The following AGAP1 variants were observed in gnomAD, a reference collection of about 807,000 sequenced individuals.
The protein encoded by AGAP1 is arf-GAP with GTPase, ANK repeat and PH domain-containing protein 1.
A neutral mutation model predicts 105.3 loss-of-function variants in AGAP1; 29 were observed. The ratio of observed to expected loss-of-function variants is 0.28; its 90% confidence interval spans 0.21 to 0.38. The LOEUF is 0.38. Among genes scored for constraint, AGAP1 ranks in the 10% least tolerant of loss-of-function variants. The pLI, the probability that AGAP1 is intolerant of heterozygous loss-of-function variation, is 1.00. For synonymous variants in AGAP1, 509 were observed against 485.9 expected (o/e 1.05, Z -0.63); for missense variants, 998 against 1,165.1 (o/e 0.86, Z 2.09).
intron 1 of AGAP1, among the ~76,000 whole-genome samples, chr2:235,661,358 T>G (rs1947945498): frequency 6.6e-6 from 1 of 152,038 alleles, no homozygotes; most frequent in Non-Finnish European, 1.5e-5. Context: ...TGATTGTGAT[T>G]GAGGGTACAG....
At position 235,577,466 on chromosome 2, in the gene AGAP1, G is replaced by A. The variant is rs983716486; in HGVS notation, c.163+82617G>A. Among the ~76,000 whole-genome samples the A allele has an allele frequency of 6.6e-6, 1 of 152,066 alleles. No individual in the cohort carries two copies. Among genetic ancestry groups the A allele is most frequent in the Non-Finnish European group, 1.5e-5 (1 of 68,024 alleles). On this transcript the variant is annotated intron_variant, in intron 1 of 17. Transcript: ENST00000304032. This position sits in a 1 kb window ranked among gnomAD's most constrained non-coding sequence, Gnocchi z 4.5. ...CAAAGCCTTTGCCAGATGAGACACT[G>A]CCTCTCGCTGAATGCCTGCTTGGAG...
chr2:236,093,038 C>T (rs932449226), intron 16 of AGAP1, among the ~76,000 whole-genome samples: 41 of 152,174 alleles, frequency 2.7e-4, no homozygotes, highest in Admixed American at 2.3e-3. Flanking sequence ...CATGGGTCCA[C>T]GACGATACTC....
At chr2:235,854,853 T>G (rs2048620099) in intron 9 of AGAP1, among the ~76,000 whole-genome samples, 1 of 152,178 alleles carries the variant, frequency 6.6e-6, no homozygotes, top group Non-Finnish European at 1.5e-5. Context: ...TCTTTATTCA[T>G]TCTTAGTTTT....
Position 236,002,251 on chromosome 2 carries a change from A to G in AGAP1, c.1645+33628A>G, listed in dbSNP as rs1484520581. On this transcript the variant is annotated intron_variant, in intron 13 of 17. Coordinates refer to ENST00000304032, the MANE Select transcript of AGAP1 (RefSeq NM_001037131.3). This position sits in a 1 kb window ranked among gnomAD's most constrained non-coding sequence, Gnocchi z 4.3. ...CTGAAAATAAACAGACAAACACAAC[A>G]TGACCCACGCACCCAGCCTGAGCCC... Among the ~76,000 whole-genome samples, 1 of 152,120 alleles carries G rather than the reference A, an allele frequency of 6.6e-6. No homozygotes were observed. The highest frequency in any genetic ancestry group is 2.4e-5 in the African/African-American group (1 of 41,436).
At chr2:236,054,071 T>C (rs2057984472) in intron 16 of AGAP1, among the ~76,000 whole-genome samples, 1 of 152,206 alleles carries the variant, frequency 6.6e-6, no homozygotes. Flanking sequence ...GCCGTACACT[T>C]CCAGATGGAA....
chr2:236,007,951 C>T (rs2056379017), intron 13 of AGAP1, among the ~76,000 whole-genome samples: 1 of 152,248 alleles, frequency 6.6e-6, no homozygotes, highest in Non-Finnish European at 1.5e-5. Context: ...CACCACTGAA[C>T]AAATCTCACA....
At chr2:235,997,341 G>A (rs972755212) in intron 13 of AGAP1, among the ~76,000 whole-genome samples, 23 of 152,184 alleles carry the variant, frequency 1.5e-4, no homozygotes, top group Non-Finnish European at 2.8e-4. Context: ...CGCCCACCTC[G>A]GCCTCCCAAA....
intron 1 of AGAP1, among the ~76,000 whole-genome samples, chr2:235,666,454 T>G (rs1948130209): frequency 1.3e-5 from 2 of 151,984 alleles, no homozygotes; most frequent in African/African-American, 4.8e-5. Context: ...TCTAAGGCAG[T>G]GGGGAAAGGC....
Position 235,720,738 on chromosome 2 carries a change from C to T in AGAP1, c.310+3094C>T. 2 of 983,446 alleles carry T rather than the reference C, an allele frequency of 2.0e-6. No individual in the cohort carries two copies. The highest frequency in any genetic ancestry group is 1.2e-6 in the Non-Finnish European group (1 of 828,188). 60.9% of individuals were successfully genotyped at this position (983,446 alleles called of 1,614,324 possible). On this transcript the variant is annotated intron_variant, in intron 3 of 17. Transcript: ENST00000304032. The surrounding 1 kb of genome is among the most constrained non-coding windows in gnomAD (Gnocchi z 5.0). ...GCGTGAGTATCCTTTATGTCATAAT[C>T]CTGACCCGTGGCTGGGATATGTAGA...
At chr2:236,008,442 A>G (rs77575637) in intron 13 of AGAP1, among the ~76,000 whole-genome samples, 1 of 152,354 alleles carries the variant, frequency 6.6e-6, no homozygotes, top group African/African-American at 2.4e-5. Context: ...GTGCAAAACA[A>G]AAAGTCTACA....
At chr2:235,593,013 C>T (rs72986897) in intron 1 of AGAP1, among the ~76,000 whole-genome samples, 13,106 of 152,186 alleles carry the variant, frequency 0.086, 772 homozygotes, top group Non-Finnish European at 0.13. Flanking sequence ...CTGAAATGAG[C>T]GTTAGGTGAC....
chr2:235,544,008 C>T (rs6749709), intron 1 of AGAP1, among the ~76,000 whole-genome samples: 8,656 of 152,242 alleles, frequency 0.057, 746 homozygotes, highest in African/African-American at 0.19. Context: ...TGGCTCTGGC[C>T]GTGCCCCATT....
rs1025565450 is a variant in AGAP1, at chr2:235,552,282, G to T, written c.163+57433G>T. ...TTTCTGCAGGAAAGAGAGAGACATT[G>T]GTGCCAAGAAATCCTATCGGGGACA... On this transcript the variant is annotated intron_variant, in intron 1 of 17. Coordinates refer to ENST00000304032, the MANE Select transcript of AGAP1 (RefSeq NM_001037131.3). This position sits in a 1 kb window ranked among gnomAD's most constrained non-coding sequence, Gnocchi z 5.9. 2.0e-5 allele frequency among the ~76,000 whole-genome samples: 3 copies of T among 152,342 alleles called. No individual in the cohort carries two copies. The highest frequency in any genetic ancestry group is 6.8e-3 in the Middle Eastern group (2 of 294).
At position 235,609,643 on chromosome 2, in the gene AGAP1, G is replaced by A. The variant is rs12692175; in HGVS notation, c.164-99536G>A. Among the ~76,000 whole-genome samples, 46,612 of 151,890 alleles carry A rather than the reference G, an allele frequency of 0.31. 9,072 individuals carry two copies. The highest frequency in any genetic ancestry group is 0.55 in the African/African-American group (22,604 of 41,340). ...GCTCCTGCCTGTCTCAGTGCTCTGG[G>A]GTCCCGTGCTGAGGGAGCATCCTTA... is the stretch of plus-strand genomic sequence containing the variant. On this transcript the variant is annotated intron_variant, in intron 1 of 17. Transcript: ENST00000304032. The surrounding 1 kb of genome is among the most constrained non-coding windows in gnomAD (Gnocchi z 5.1).
intron 3 of AGAP1, chr2:235,718,531 T>C: frequency 3.9e-6 from 2 of 509,850 alleles, no homozygotes; most frequent in Non-Finnish European, 5.1e-6. Flanking sequence ...TTTTCTTCAG[T>C]TGAACATTCC....
intron 13 of AGAP1, among the ~76,000 whole-genome samples, chr2:235,999,072 C>T (rs2055951298): frequency 7.3e-6 from 1 of 136,288 alleles, no homozygotes; most frequent in Non-Finnish European, 1.6e-5. Context: ...GTATGGTGAC[C>T]AATATGGTAT....
chr2:235,607,726 G>A (rs1286295490), intron 1 of AGAP1, among the ~76,000 whole-genome samples: 1 of 152,200 alleles, frequency 6.6e-6, no homozygotes, highest in African/African-American at 2.4e-5. Context: ...GTGGGAAGCT[G>A]CAGGCCAGCC....
At position 235,789,699 on chromosome 2, in the gene AGAP1, A is replaced by C. The variant is rs558761788; in HGVS notation, c.674-8060A>C. ...GGTAAGGCATCAAAGGATTACTTTG[A>C]TATACGCAAGGTAAGTCAACAAAGG... is the stretch of plus-strand genomic sequence containing the variant. On this transcript the variant is annotated intron_variant, in intron 6 of 17. Transcript: ENST00000304032. This position sits in a 1 kb window ranked among gnomAD's most constrained non-coding sequence, Gnocchi z 4.2. 6.6e-6 allele frequency among the ~76,000 whole-genome samples: 1 copy of C among 152,086 alleles called. No individual in the cohort carries two copies. The highest frequency in any genetic ancestry group is 3.2e-3 in the Middle Eastern group (1 of 312).
rs1284669313 is a variant in AGAP1, at chr2:235,934,395, G to A, written c.1483+3472G>A. 6.6e-6 allele frequency among the ~76,000 whole-genome samples: 1 copy of A among 152,170 alleles called. No homozygotes were observed. The highest frequency in any genetic ancestry group is 2.4e-5 in the African/African-American group (1 of 41,426). ...GCTGGACGCATCCTTGTCTGTCTGC[G>A]CCGAGGGTACCATCCCGGCGTCCCT... is the stretch of plus-strand genomic sequence containing the variant. On this transcript the variant is annotated intron_variant, in intron 12 of 17. Transcript: ENST00000304032. This position sits in a 1 kb window ranked among gnomAD's most constrained non-coding sequence, Gnocchi z 4.9.
Sources: allele counts gnomAD v4.1 joint callset (sites outside exome capture counted in the v4.1 genomes callset), GRCh38; gene constraint gnomAD v4.1.1; non-coding constraint Gnocchi (gnomAD v3.1); transcripts MANE v1.5; gene names NCBI Gene and HGNC (gene_info 2026-07-23, HGNC 2026-07-21).